Variants in DPYD observed in about 807,000 individuals in gnomAD.
DPYD encodes the protein dihydropyrimidine dehydrogenase [NADP(+)].
Under a neutral mutation model 116.2 loss-of-function variants are expected in DPYD, and 109 were observed. The observed-to-expected ratio is 0.94, with a 90% CI of 0.80 to 1.10. The LOEUF is 1.10. Ranked by LOEUF, DPYD falls within the 50% of genes least tolerant of loss-of-function variation. DPYD has a pLI of 0.00. For synonymous variants in DPYD, 440 were observed against 432.0 expected, an observed-to-expected ratio of 1.02 and a Z score of -0.23; for missense variants, 1,302 against 1,254.5, an observed-to-expected ratio of 1.04 and a Z score of -0.57.
chr1:97,851,195 A>G (rs1261859764), intron 2 of DPYD, among the ~76,000 whole-genome samples: 2 of 151,566 alleles, frequency 1.3e-5, no homozygotes, highest in African/African-American at 2.4e-5. Flanking sequence ...ATACACTATG[A>G]TAAGTTTCTA....
intron 16 of DPYD, among the ~76,000 whole-genome samples, chr1:97,317,962 T>C (rs972332621): frequency 6.6e-5 from 10 of 151,826 alleles, no homozygotes; most frequent in African/African-American, 2.4e-4. Flanking sequence ...AACCCAGAAT[T>C]TCATATCCAG....
intron 13 of DPYD, among the ~76,000 whole-genome samples, chr1:97,481,903 T>C (rs983206735): frequency 2.6e-5 from 4 of 152,128 alleles, no homozygotes; most frequent in South Asian, 2.1e-4. Context: ...CACACACACA[T>C]ATTTAGACAC....
Position 97,102,396 on chromosome 1 carries a change from C to CATATATATATATATATATATATATATAT in DPYD, c.2623-3765_2623-3764insATATATATATATATATATATATATATAT, listed in dbSNP as rs372249411. On this transcript the variant is annotated intron_variant, in intron 20 of 22. Transcript: ENST00000370192. ...TATATCAGAATATATCACTCAGTAT[C>CATATATATATATATATATATATATATAT]ATATATATATATATATATATATATG... Among the ~76,000 whole-genome samples the CATATATATATATATATATATATATATAT allele has an allele frequency of 1.3e-3, 128 of 97,214 alleles. 5 individuals are homozygous for CATATATATATATATATATATATATATAT. Among genetic ancestry groups the CATATATATATATATATATATATATATAT allele is most frequent in the Admixed American group, 2.2e-3 (16 of 7,244 alleles). 63.8% of individuals were successfully genotyped at this position (97,214 alleles called of 152,430 possible).
intron 3 of DPYD, among the ~76,000 whole-genome samples, chr1:97,804,161 A>G (rs1221073262): frequency 6.6e-6 from 1 of 151,734 alleles, no homozygotes; most frequent in Non-Finnish European, 1.5e-5. Flanking sequence ...CTCATTTGTT[A>G]TGAATATCTC....
intron 13 of DPYD, among the ~76,000 whole-genome samples, chr1:97,481,740 C>A (rs762838244): frequency 9.2e-5 from 14 of 152,110 alleles, no homozygotes; most frequent in Non-Finnish European, 1.8e-4. Flanking sequence ...CAAGCTATTC[C>A]TTAAAAGTCA....
chr1:97,395,291 C>T (rs764649680), intron 14 of DPYD, among the ~76,000 whole-genome samples: 9 of 151,644 alleles, frequency 5.9e-5, no homozygotes, highest in Non-Finnish European at 1.0e-4. Flanking sequence ...TTATAAAGTA[C>T]ATTTTATATC....
intron 16 of DPYD, among the ~76,000 whole-genome samples, chr1:97,344,823 T>C (rs749691794): frequency 7.2e-5 from 11 of 151,938 alleles, no homozygotes; most frequent in Non-Finnish European, 1.6e-4. Context: ...GCATGTACTA[T>C]AATTTTTATA....
chr1:97,636,302 C>A (rs1169578991), intron 8 of DPYD, among the ~76,000 whole-genome samples: 1 of 152,024 alleles, frequency 6.6e-6, no homozygotes, highest in African/African-American at 2.4e-5. Context: ...TATTTCATCC[C>A]TTTTTCCCAC....
intron 16 of DPYD, among the ~76,000 whole-genome samples, chr1:97,323,109 A>G (rs1453226654): frequency 6.7e-6 from 1 of 150,322 alleles, no homozygotes; most frequent in African/African-American, 2.4e-5. Context: ...TTTTTTATAT[A>G]TATATGCATA....
intron 8 of DPYD, among the ~76,000 whole-genome samples, chr1:97,650,696 A>G (rs1295023083): frequency 6.6e-6 from 1 of 152,136 alleles, no homozygotes; most frequent in Non-Finnish European, 1.5e-5. Context: ...AGAAGGAATT[A>G]GTAGTCCCTA....
chr1:97,752,923 T>C (rs1665012452), intron 3 of DPYD, among the ~76,000 whole-genome samples: 1 of 152,198 alleles, frequency 6.6e-6, no homozygotes. Context: ...TGAATTCAGA[T>C]GAAAAAGCCA....
intron 2 of DPYD, among the ~76,000 whole-genome samples, chr1:97,868,237 T>C (rs1424985750): frequency 6.6e-6 from 1 of 151,634 alleles, no homozygotes; most frequent in Non-Finnish European, 1.5e-5. Context: ...ACAAAAAGTG[T>C]AAAAGTTGTC....
intron 12 of DPYD, among the ~76,000 whole-genome samples, chr1:97,539,118 G>T (rs1276646992): frequency 2.0e-5 from 3 of 152,076 alleles, no homozygotes; most frequent in Non-Finnish European, 4.4e-5. Flanking sequence ...ACTTTTTGTT[G>T]TTGTTTTTAT....
intron 12 of DPYD, among the ~76,000 whole-genome samples, chr1:97,531,175 C>T (rs768006170): frequency 2.0e-5 from 3 of 152,070 alleles, no homozygotes; most frequent in Non-Finnish European, 4.4e-5. Flanking sequence ...GTGTCATATC[C>T]ATGAAATTAT....
intron 3 of DPYD, among the ~76,000 whole-genome samples, chr1:97,786,318 G>A (rs911243403): frequency 6.6e-6 from 1 of 152,050 alleles, no homozygotes; most frequent in African/African-American, 2.4e-5. Context: ...TTCTTTTAAC[G>A]TACAGATGAA....
chr1:97,555,740 T>A (rs1009879518), intron 11 of DPYD, among the ~76,000 whole-genome samples: 3 of 152,204 alleles, frequency 2.0e-5, no homozygotes, highest in African/African-American at 7.2e-5. Context: ...CTCTTCCTTT[T>A]TAATACCACT....
At chr1:97,666,244 C>A (rs1386288747) in intron 8 of DPYD, among the ~76,000 whole-genome samples, 3 of 152,114 alleles carry the variant, frequency 2.0e-5, no homozygotes, top group African/African-American at 7.2e-5. Flanking sequence ...ACAATCACGG[C>A]TCATTGCAGC....
intron 16 of DPYD, among the ~76,000 whole-genome samples, chr1:97,324,953 T>A (rs975614802): frequency 6.6e-6 from 1 of 152,094 alleles, no homozygotes; most frequent in African/African-American, 2.4e-5. Context: ...AATACCTGCA[T>A]GATTACCAAT....
At chr1:97,835,848 C>G (rs997819062) in intron 2 of DPYD, among the ~76,000 whole-genome samples, 2 of 152,042 alleles carry the variant, frequency 1.3e-5, no homozygotes, top group Non-Finnish European at 2.9e-5. Context: ...CTCACTTAAT[C>G]TTGACAAGAG....
Sources: gnomAD v4.1 joint callset for allele counts (sites outside exome capture counted in the v4.1 genomes callset) on GRCh38, gnomAD v4.1.1 for gene constraint, MANE v1.5 for transcripts, NCBI Gene and HGNC (gene_info 2026-07-23, HGNC 2026-07-21) for gene names.